The following SARDH variants were observed in gnomAD, a reference collection of about 807,000 sequenced individuals.
The protein encoded by SARDH is sarcosine dehydrogenase, mitochondrial.
In SARDH, 95 loss-of-function variants were observed where a neutral mutation model predicts 109.1. The ratio of observed to expected loss-of-function variants is 0.87; its 90% CI spans 0.74 to 1.03. The LOEUF (loss-of-function observed/expected upper bound fraction) is 1.03, where lower values mean the gene tolerates loss of function less well. SARDH is among the 50% of genes least tolerant of loss of function. The pLI is 0.00. For missense variants in SARDH, 1,267 were observed against 1,287.8 expected (o/e 0.98, Z 0.25); for synonymous variants, 572 against 534.8 (o/e 1.07, Z -0.96).
intron 17 of SARDH, among the ~76,000 whole-genome samples, chr9:133,683,470 C>T (rs982277426): frequency 2.0e-5 from 3 of 152,232 alleles, no homozygotes; most frequent in East Asian, 1.9e-4. Context: ...CTGGATGCTG[C>T]GTGGACCCCG....
chr9:133,714,054 G>T (rs1014710120), intron 8 of SARDH, among the ~76,000 whole-genome samples: 1 of 152,236 alleles, frequency 6.6e-6, no homozygotes, highest in Non-Finnish European at 1.5e-5. Flanking sequence ...AGCTGCTACT[G>T]TTGGCACCCC....
At chr9:133,695,043 T>C (rs377221538) in intron 14 of SARDH, among the ~76,000 whole-genome samples, 9 of 152,260 alleles carry the variant, frequency 5.9e-5, no homozygotes, top group African/African-American at 2.2e-4. Flanking sequence ...ACAAAAGATA[T>C]GTGAAAGTCC....
intron 3 of SARDH, 24 bp downstream of exon 3, chr9:133,732,397 CTT>C: frequency 1.3e-6 from 2 of 1,567,014 alleles, no homozygotes; most frequent in Non-Finnish European, 1.7e-6. Context: ...AGCCCCCCTC[CTT>C]GCCCCCCGCA....
intron 8 of SARDH, among the ~76,000 whole-genome samples, chr9:133,714,074 C>A (rs1221112346): frequency 6.6e-6 from 1 of 152,232 alleles, no homozygotes; most frequent in Non-Finnish European, 1.5e-5. Context: ...CAGCACCACA[C>A]CATGTTAGAC....
rs185641446 is a variant in SARDH, at chr9:133,706,168, T to A, written c.1471-1137A>T. Among the ~76,000 whole-genome samples, 19 of 152,240 alleles carry A rather than the reference T, an allele frequency of 1.2e-4. 1 individual carries two copies. The highest frequency in any genetic ancestry group is 1.2e-3 in the Admixed American group (18 of 15,286). On this transcript the variant is annotated intron_variant, in intron 11 of 20. Coordinates refer to ENST00000439388, the MANE Select transcript of SARDH (RefSeq NM_001134707.2). ...ACAAATTCCGTTCACGCATGTTCAC[T>A]GAGCTCTATGCGCAACCACTAACCA...
chr9:133,735,567 C>A (rs577721734), intron 1 of SARDH, among the ~76,000 whole-genome samples: 4 of 152,228 alleles, frequency 2.6e-5, no homozygotes, highest in Non-Finnish European at 5.9e-5. Context: ...CTGCAATCCA[C>A]ACAATCAGCC....
At chr9:133,737,310 G>GAGCCAA (rs1832917927) in intron 1 of SARDH, among the ~76,000 whole-genome samples, 3 of 152,242 alleles carry the variant, frequency 2.0e-5, no homozygotes, top group Non-Finnish European at 4.4e-5. Context: ...GCGGCGTAGG[G>GAGCCAA]GAGTGAGGAG....
At chr9:133,683,422 C>T (rs528319629) in intron 17 of SARDH, among the ~76,000 whole-genome samples, 2 of 152,374 alleles carry the variant, frequency 1.3e-5, no homozygotes, top group South Asian at 4.1e-4. Context: ...CGCAGCCCCC[C>T]TCCCCTTCTG....
intron 10 of SARDH, among the ~76,000 whole-genome samples, chr9:133,710,493 T>C (rs998819956): frequency 6.6e-6 from 1 of 152,262 alleles, no homozygotes; most frequent in Non-Finnish European, 1.5e-5. Flanking sequence ...GCCCCCTCGC[T>C]GTGCGTGTCT....
At chr9:133,679,818 T>C (rs1314922417) in intron 17 of SARDH, among the ~76,000 whole-genome samples, 1 of 152,212 alleles carries the variant, frequency 6.6e-6, no homozygotes, top group Admixed American at 6.5e-5. Context: ...ATTCGTCTGG[T>C]GGTGAGGAGG....
intron 16 of SARDH, among the ~76,000 whole-genome samples, chr9:133,687,688 G>A (rs750036227): frequency 2.0e-5 from 3 of 152,134 alleles, no homozygotes; most frequent in South Asian, 2.1e-4. Context: ...TAGTGGCTGC[G>A]TGTTGGACCA....
At chr9:133,708,564 C>G (rs998281542) in intron 10 of SARDH, 136 bp from the exon 11 acceptor site, 2 of 1,160,978 alleles carry the variant, frequency 1.7e-6, no homozygotes, top group African/African-American at 3.2e-5. Flanking sequence ...GAGCGGGCCC[C>G]TGACTCTCCA....
At chr9:133,717,614 C>A (rs1020577743) in intron 7 of SARDH, among the ~76,000 whole-genome samples, 159 bp from the exon 8 acceptor site, 2 of 152,104 alleles carry the variant, frequency 1.3e-5, no homozygotes, top group African/African-American at 2.4e-5. Context: ...TTGTCTCCCC[C>A]ACCCACCAAC....
intron 1 of SARDH, among the ~76,000 whole-genome samples, chr9:133,735,400 C>T (rs1433362572): frequency 6.6e-6 from 1 of 152,196 alleles, no homozygotes; most frequent in Non-Finnish European, 1.5e-5. Flanking sequence ...CAGATCTGCC[C>T]AGCCAGAAAA....
intron 12 of SARDH, chr9:133,703,637 T>C (rs1831576166): frequency 1.4e-5 from 2 of 141,404 alleles, no homozygotes; most frequent in African/African-American, 5.4e-5. Flanking sequence ...TGCCCCTCCC[T>C]GGCCGCTGCT....
In SARDH at chr9:133,732,470, T is replaced by C. The variant is rs149002589; in HGVS notation, c.463A>G (p.Ile155Val). The part of the protein sequence containing the change: ...TGWIQNGGLF[I>V]ASNRQRLDEY... Reference sequence around the variant, plus strand: ...TCCAGGCGCTGCCGGTTGGACGCGATGAAGAGGCCCCCATTCTGGATCCAG... The same window carrying C: ...TCCAGGCGCTGCCGGTTGGACGCGACGAAGAGGCCCCCATTCTGGATCCAG... The change falls in exon 3 of 21, where the codon ATC becomes GTC. Residue 155 changes from isoleucine to valine, a missense_variant. Transcript: ENST00000439388. 4,945 of 1,585,354 alleles carry C rather than the reference T, an allele frequency of 3.1e-3. 21 individuals are homozygous for C. Among genetic ancestry groups the C allele is most frequent in the Non-Finnish European group, 3.7e-3 (4,329 of 1,162,730 alleles).
intron 20 of SARDH, among the ~76,000 whole-genome samples, chr9:133,664,541 G>A (rs557798299): frequency 9.3e-4 from 141 of 151,942 alleles, no homozygotes; most frequent in Non-Finnish European, 1.6e-3. Flanking sequence ...GCAGGAGGAG[G>A]GTGTCACCTC....
At chr9:133,715,947 C>G (rs139955166) in intron 8 of SARDH, among the ~76,000 whole-genome samples, 314 of 152,358 alleles carry the variant, frequency 2.1e-3, no homozygotes, top group Admixed American at 6.1e-3. Context: ...CTGTGTCTTC[C>G]TGAACCTCTC....
chr9:133,717,544 C>A, intron 7 of SARDH, 89 bp from the exon 8 acceptor site: 1 of 1,549,334 alleles, frequency 6.5e-7, no homozygotes, highest in Non-Finnish European at 8.8e-7. Flanking sequence ...GGCTGCCAGG[C>A]CAGCCTCTGC....
Sources: allele counts gnomAD v4.1 joint callset (sites outside exome capture counted in the v4.1 genomes callset), GRCh38; gene constraint gnomAD v4.1.1; transcripts MANE v1.5; gene names NCBI Gene and HGNC (gene_info 2026-07-23, HGNC 2026-07-21).